The following SLC25A36 variants were observed in gnomAD, a reference collection of about 807,000 sequenced individuals.
SLC25A36 encodes epididymis secretory sperm binding protein.
In SLC25A36, 24 loss-of-function variants were observed where a neutral mutation model predicts 35.3. The observed-to-expected ratio is 0.68, with a 90% CI of 0.49 to 0.96. SLC25A36 has a LOEUF of 0.96. Among genes scored for constraint, SLC25A36 ranks in the 40% least tolerant of loss-of-function variants. SLC25A36 has a pLI of 0.00. For missense variants in SLC25A36, 294 were observed against 381.1 expected (o/e 0.77, Z 1.90); for synonymous variants, 141 against 132.2 (o/e 1.07, Z -0.46).
intron 2 of SLC25A36, among the ~76,000 whole-genome samples, chr3:140,957,831 C>T (rs890700197): frequency 6.6e-6 from 1 of 152,000 alleles, no homozygotes; most frequent in Non-Finnish European, 1.5e-5. Flanking sequence ...TATTTATTAC[C>T]ACAGATTGCC....
chr3:140,951,653 T>G (rs368535428), intron 1 of SLC25A36, among the ~76,000 whole-genome samples: 1 of 151,292 alleles, frequency 6.6e-6, no homozygotes, highest in Admixed American at 6.6e-5. Flanking sequence ...CTGGCTAATT[T>G]TGTGTGTGTG....
At chr3:140,972,915 G>A (rs1934942779) in intron 5 of SLC25A36, 1 of 151,972 alleles carries the variant, frequency 6.6e-6, no homozygotes, top group African/African-American at 2.4e-5. Flanking sequence ...TTTTTAGTAG[G>A]TAGCATTTAA....
intron 4 of SLC25A36, 155 bp from the exon 5 acceptor site, chr3:140,970,762 GTGAAGACAAA>G (rs1252914072): frequency 6.6e-6 from 3 of 451,718 alleles, no homozygotes; most frequent in Middle Eastern, 6.4e-4. Context: ...TAGATTGGAA[GTGAAGACAAA>G]TGTTTGTCGT....
At chr3:140,950,892 GTGTGTCTCTGTGTGTGTCTGTGTGTC>G (rs1181694403) in intron 1 of SLC25A36, among the ~76,000 whole-genome samples, 2 of 129,292 alleles carry the variant, frequency 1.5e-5, no homozygotes, top group South Asian at 2.4e-4. Context: ...GCGTGTGTGT[GTGTGTCTCTGTGTGTGTCTGTGTGTC>G]TGTGTGTGTG....
At chr3:140,943,392 C>T (rs1465965367) in intron 1 of SLC25A36, among the ~76,000 whole-genome samples, 2 of 152,200 alleles carry the variant, frequency 1.3e-5, no homozygotes, top group African/African-American at 4.8e-5. Context: ...AATTATGGGC[C>T]GGCCACTGTT....
chr3:140,974,194 A>T (rs1203944632), intron 6 of SLC25A36, among the ~76,000 whole-genome samples, 189 bp downstream of exon 6: 1 of 152,160 alleles, frequency 6.6e-6, no homozygotes, highest in South Asian at 2.1e-4. Flanking sequence ...ATCAAATAGC[A>T]TGGTGGTGAT....
At chr3:140,964,438 C>A (rs1934709947) in intron 4 of SLC25A36, 2 of 151,832 alleles carry the variant, frequency 1.3e-5, no homozygotes, top group African/African-American at 4.8e-5. Flanking sequence ...TGGAATGAGT[C>A]AAGTGGTCTA....
chr3:140,955,714 A>G (rs1030004217), intron 1 of SLC25A36, among the ~76,000 whole-genome samples: 6 of 151,956 alleles, frequency 3.9e-5, no homozygotes, highest in East Asian at 1.9e-4. Context: ...CTTTTTTGAG[A>G]CAGGGTCTCA....
chr3:140,968,187 G>A, intron 4 of SLC25A36: 1 of 934,004 alleles, frequency 1.1e-6, no homozygotes, highest in Non-Finnish European at 1.3e-6. Flanking sequence ...AATTAGCCTA[G>A]TAATGTCTAT....
At chr3:140,950,720 C>G (rs1036578226) in intron 1 of SLC25A36, among the ~76,000 whole-genome samples, 1 of 152,104 alleles carries the variant, frequency 6.6e-6, no homozygotes, top group Non-Finnish European at 1.5e-5. Flanking sequence ...TATTATGTGA[C>G]CTTTTTTCTT....
intron 1 of SLC25A36, among the ~76,000 whole-genome samples, chr3:140,950,092 C>A (rs1934278654): frequency 6.6e-6 from 1 of 152,000 alleles, no homozygotes; most frequent in Non-Finnish European, 1.5e-5. Flanking sequence ...TTTTTCTTTA[C>A]ATCCTCTCAA....
chr3:140,971,609 A>G (rs192614879), intron 5 of SLC25A36, among the ~76,000 whole-genome samples: 204 of 152,278 alleles, frequency 1.3e-3, no homozygotes, highest in African/African-American at 4.7e-3. Context: ...AAGCTGAGGA[A>G]CCAATCGGTG....
intron 1 of SLC25A36, among the ~76,000 whole-genome samples, chr3:140,944,908 T>A (rs779290122): frequency 4.6e-5 from 7 of 152,210 alleles, no homozygotes; most frequent in Non-Finnish European, 7.4e-5. Context: ...AGAAGTAGAA[T>A]ACTTAAAAGT....
chr3:140,950,902 G>GTGTGTGTCTGTGTGTC (rs57953917), intron 1 of SLC25A36, among the ~76,000 whole-genome samples: 1 of 129,606 alleles, frequency 7.7e-6, no homozygotes, highest in African/African-American at 3.2e-5. Context: ...GTGTGTCTCT[G>GTGTGTGTCTGTGTGTC]TGTGTGTCTG....
chr3:140,957,329 A>G (rs1280380976), intron 2 of SLC25A36, among the ~76,000 whole-genome samples: 1 of 152,236 alleles, frequency 6.6e-6, no homozygotes, highest in Non-Finnish European at 1.5e-5. Context: ...TTATTTTGTA[A>G]TAGCAAATAA....
chr3:140,969,424 C>T lies in SLC25A36; in HGVS notation c.386-1503C>T, dbSNP rs559979782. On this transcript the variant is annotated intron_variant, in intron 4 of 6. Coordinates refer to ENST00000324194, the MANE Select transcript of SLC25A36 (RefSeq NM_001104647.3). ...TGGTCCCATTCTAGTTTTATACTTA[C>T]ATATGTAGTATTAAAAGCACTTAAG... 5.3e-4 allele frequency among the ~76,000 whole-genome samples: 81 copies of T among 151,906 alleles called. 1 individual carries two copies. The South Asian group carries it at 0.011, about 20-fold the overall frequency.
At chr3:140,953,437 A>G (rs560369892) in intron 1 of SLC25A36, among the ~76,000 whole-genome samples, 10 of 150,156 alleles carry the variant, frequency 6.7e-5, no homozygotes, top group African/African-American at 2.5e-4. Flanking sequence ...ATTTAAAGCT[A>G]TGAGTGGAAT....
intron 1 of SLC25A36, among the ~76,000 whole-genome samples, chr3:140,951,482 CTTAT>C (rs77377657): frequency 1.3e-3 from 200 of 152,136 alleles, no homozygotes; most frequent in African/African-American, 4.2e-3. Flanking sequence ...GTACGATTTA[CTTAT>C]TTATTTATTT....
At chr3:140,965,428 A>G (rs1934735639) in intron 4 of SLC25A36, 1 of 151,808 alleles carries the variant, frequency 6.6e-6, no homozygotes, top group Non-Finnish European at 1.5e-5. Context: ...CCACACTAAA[A>G]TAAACCATTA....
Sources: gnomAD v4.1 joint callset for allele counts (sites outside exome capture counted in the v4.1 genomes callset) on GRCh38, gnomAD v4.1.1 for gene constraint, MANE v1.5 for transcripts, NCBI Gene and HGNC (gene_info 2026-07-23, HGNC 2026-07-21) for gene names.